The following STX18 variants were observed in gnomAD, a reference collection of about 807,000 sequenced individuals.
The protein encoded by STX18 is syntaxin-18.
A neutral mutation model predicts 50.1 loss-of-function variants in STX18; 40 were observed. That is an observed-to-expected ratio of 0.80 (90% CI 0.62 to 1.04). STX18 has a LOEUF of 1.04. STX18 is among the 50% of genes least tolerant of loss of function. STX18 has a pLI of 0.00. For synonymous variants in STX18, 158 were observed against 151.8 expected, an observed-to-expected ratio of 1.04 and a Z score of -0.30; for missense variants, 410 against 415.8, an observed-to-expected ratio of 0.99 and a Z score of 0.12.
intron 2 of STX18, among the ~76,000 whole-genome samples, chr4:4,468,973 G>A (rs1727766501): frequency 6.6e-6 from 1 of 152,174 alleles, no homozygotes; most frequent in Non-Finnish European, 1.5e-5. Context: ...CAAACTACTG[G>A]TATACACAAC....
At chr4:4,438,725 C>A (rs1725924951) in intron 5 of STX18, among the ~76,000 whole-genome samples, 1 of 152,038 alleles carries the variant, frequency 6.6e-6, no homozygotes, top group South Asian at 2.1e-4. Flanking sequence ...TGCATGCCCT[C>A]TGCATTTGCA....
At chr4:4,534,017 C>T (rs957425843) in intron 1 of STX18, among the ~76,000 whole-genome samples, 5 of 152,184 alleles carry the variant, frequency 3.3e-5, no homozygotes, top group African/African-American at 9.7e-5. Context: ...TAAGTTTCTA[C>T]CTCCTTGTAC....
intron 5 of STX18, among the ~76,000 whole-genome samples, chr4:4,438,809 C>T (rs36168696): frequency 0.041 from 6,204 of 152,042 alleles, 140 homozygotes; most frequent in Non-Finnish European, 0.05. Flanking sequence ...TAGACTGACA[C>T]ACCGCACTCA....
chr4:4,422,288 C>T (rs939772676), intron 9 of STX18, among the ~76,000 whole-genome samples: 19 of 152,152 alleles, frequency 1.2e-4, no homozygotes, highest in African/African-American at 3.6e-4. Flanking sequence ...CCCAGTGGGC[C>T]GGGCGCAGTG....
At chr4:4,530,105 A>C (rs1456978223) in intron 1 of STX18, among the ~76,000 whole-genome samples, 1 of 151,996 alleles carries the variant, frequency 6.6e-6, no homozygotes, top group Admixed American at 6.6e-5. Flanking sequence ...ATTTCCTACC[A>C]CAGCAAATAA....
chr4:4,484,759 A>C (rs1183046716), intron 1 of STX18, among the ~76,000 whole-genome samples: 1 of 152,184 alleles, frequency 6.6e-6, no homozygotes, highest in African/African-American at 2.4e-5. Context: ...CCAAAACTAC[A>C]CAATAGGCTG....
intron 5 of STX18, among the ~76,000 whole-genome samples, chr4:4,443,684 T>C (rs1390596451): frequency 1.3e-5 from 2 of 152,148 alleles, no homozygotes; most frequent in East Asian, 3.8e-4. Context: ...AAGACAATAA[T>C]GTATCATGAC....
chr4:4,433,983 C>T (rs1305254479), intron 7 of STX18, among the ~76,000 whole-genome samples: 2 of 152,218 alleles, frequency 1.3e-5, no homozygotes, highest in Non-Finnish European at 2.9e-5. Flanking sequence ...GTTCCACCAC[C>T]TCTTTGTGCA....
In STX18 at chr4:4,460,431, G is replaced by C. The variant is rs371197079; in HGVS notation, c.237-944C>G. Among the ~76,000 whole-genome samples the C allele has an allele frequency of 1.3e-4, 19 of 151,466 alleles. 1 individual carries two copies. In the South Asian group the frequency reaches 1.7e-3, roughly 13 times the overall value. On this transcript the variant is annotated intron_variant, in intron 2 of 10. Coordinates refer to ENST00000306200, the MANE Select transcript of STX18 (RefSeq NM_016930.4). ...GACAGGTAGGCATCCCCCTCCCAAA[G>C]CCTTCTCTAGGAAACTTAAGGCACA...
In STX18 at chr4:4,420,051, C is replaced by T. The variant is rs372039780; in HGVS notation, c.991G>A (p.Asp331Asn). ...VMCSFSLLFL[D>N]WYDS ...GGCCCTGGCTAGCTGTCGTACCAGT[C>T]GAGGAAGAGCAAGGAGAAGGAGCAC... The change falls in exon 11 of 11, where the codon GAC becomes AAC. Residue 331 changes from aspartate (D) to asparagine (N), a missense_variant. Asp to Asn is a conservative substitution (Grantham distance 23). Transcript: ENST00000306200. The surrounding 1 kb of genome is among the most constrained non-coding windows in gnomAD (Gnocchi z 4.3). 7.2e-5 allele frequency: 116 copies of T among 1,612,464 alleles called. No individual in the cohort carries two copies. The highest frequency in any genetic ancestry group is 9.0e-5 in the Non-Finnish European group (106 of 1,179,384).
At chr4:4,507,138 A>G (rs902757675) in intron 1 of STX18, 1 of 558,256 alleles carries the variant, frequency 1.8e-6, no homozygotes, top group African/African-American at 1.9e-5. Flanking sequence ...GGTGAGTTCC[A>G]AAGAATGCTA....
intron 1 of STX18, among the ~76,000 whole-genome samples, chr4:4,530,796 G>A (rs906903798): frequency 3.9e-5 from 6 of 151,918 alleles, no homozygotes; most frequent in Non-Finnish European, 5.9e-5. Flanking sequence ...TTATAGCGAT[G>A]AGATTTTGCC....
chr4:4,448,476 G>T (rs1019579057), intron 5 of STX18, among the ~76,000 whole-genome samples: 3 of 152,014 alleles, frequency 2.0e-5, no homozygotes. Flanking sequence ...CGAGTAGCTG[G>T]AATTACAGGA....
intron 2 of STX18, among the ~76,000 whole-genome samples, chr4:4,463,003 A>G (rs1349759761): frequency 6.6e-6 from 1 of 152,218 alleles, no homozygotes; most frequent in African/African-American, 2.4e-5. Flanking sequence ...TAACATCACT[A>G]TTACATCGAA....
intron 1 of STX18, among the ~76,000 whole-genome samples, chr4:4,476,310 G>A (rs1025187397): frequency 2.4e-4 from 36 of 152,160 alleles, no homozygotes; most frequent in African/African-American, 8.0e-4. Context: ...AAAAGAAAAA[G>A]GAAAGGAATG....
At chr4:4,450,691 G>A (rs567126633) in intron 5 of STX18, among the ~76,000 whole-genome samples, 11 of 152,140 alleles carry the variant, frequency 7.2e-5, no homozygotes, top group Non-Finnish European at 1.3e-4. Context: ...GCACGGATCA[G>A]TCCCTCTCCT....
intron 2 of STX18, among the ~76,000 whole-genome samples, chr4:4,467,402 A>C (rs1727669505): frequency 6.6e-6 from 1 of 152,222 alleles, no homozygotes; most frequent in African/African-American, 2.4e-5. Context: ...TGATTAGGTC[A>C]GATCTCGTTC....
chr4:4,497,967 T>G (rs946280600), intron 1 of STX18, among the ~76,000 whole-genome samples: 1 of 152,224 alleles, frequency 6.6e-6, no homozygotes, highest in Non-Finnish European at 1.5e-5. Context: ...CACAGGTGCC[T>G]CCGTCTAAGG....
At position 4,423,599 on chromosome 4, in the gene STX18, G is replaced by T. The variant is rs1372042623; in HGVS notation, c.762-12C>A. On this transcript the variant is annotated splice_polypyrimidine_tract_variant and intron_variant, in intron 8 of 10. Transcript: ENST00000306200. Reference sequence around the variant, plus strand: ...TCCCTTCGATTTGCCTTCATAAAAAGAACAGATTACATATTAACTATTAGC... The same window carrying T: ...TCCCTTCGATTTGCCTTCATAAAAATAACAGATTACATATTAACTATTAGC... The T allele has an allele frequency of 6.2e-7, 1 of 1,613,376 alleles. No individual in the cohort carries two copies. The highest frequency in any genetic ancestry group is 8.5e-7 in the Non-Finnish European group (1 of 1,179,330).
Sources: gnomAD v4.1 joint callset for allele counts (sites outside exome capture counted in the v4.1 genomes callset) on GRCh38, gnomAD v4.1.1 for gene constraint, Gnocchi (gnomAD v3.1) non-coding constraint, MANE v1.5 for transcripts, NCBI Gene and HGNC (gene_info 2026-07-23, HGNC 2026-07-21) for gene names.